The following LRP1B variants were observed in gnomAD, a reference collection of about 807,000 sequenced individuals.
LRP1B encodes low-density lipoprotein receptor-related protein 1B.
A neutral mutation model predicts 556.6 loss-of-function variants in LRP1B; 217 were observed. That is an observed-to-expected ratio of 0.39 (90% CI 0.35 to 0.44). The LOEUF is 0.44. LRP1B is among the 20% of genes least tolerant of loss of function. LRP1B has a pLI of 1.00. For missense variants in LRP1B, 5,053 were observed against 5,620.8 expected, an observed-to-expected ratio of 0.90 and a Z score of 3.23; for synonymous variants, 2,047 against 1,865.8, an observed-to-expected ratio of 1.10 and a Z score of -2.50.
At chr2:141,472,656 A>T (rs1682521003) in intron 3 of LRP1B, among the ~76,000 whole-genome samples, 1 of 152,238 alleles carries the variant, frequency 6.6e-6, no homozygotes. Context: ...GTGATAAAAA[A>T]TTATAGAAGT....
intron 3 of LRP1B, among the ~76,000 whole-genome samples, chr2:141,345,804 C>A (rs1228857505): frequency 6.6e-6 from 1 of 151,958 alleles, no homozygotes; most frequent in East Asian, 1.9e-4. Flanking sequence ...TGCACATGGC[C>A]CTGAATTTTC....
At chr2:141,789,909 T>G (rs1695556270) in intron 2 of LRP1B, among the ~76,000 whole-genome samples, 1 of 152,036 alleles carries the variant, frequency 6.6e-6, no homozygotes, top group South Asian at 2.1e-4. Flanking sequence ...TTTTCCCTTT[T>G]ATTGATGACT....
At chr2:141,926,388 T>TG in intron 1 of LRP1B, among the ~76,000 whole-genome samples, 1 of 152,306 alleles carries the variant, frequency 6.6e-6, no homozygotes, top group Middle Eastern at 3.4e-3. Context: ...TCTGACTTTT[T>TG]TCCCCTCTAT....
intron 3 of LRP1B, among the ~76,000 whole-genome samples, chr2:141,298,438 G>T (rs988270502): frequency 6.6e-6 from 1 of 152,140 alleles, no homozygotes; most frequent in Non-Finnish European, 1.5e-5. Context: ...AATTTGTCAT[G>T]ACTCTGTAAC....
rs76310658 is a variant in LRP1B at position 141,013,547 on chromosome 2, T to A, written c.2380+9A>T. The A allele has an allele frequency of 6.3e-7, 1 of 1,596,264 alleles. No individual in the cohort carries two copies. The highest frequency in any genetic ancestry group is 1.7e-4 in the Middle Eastern group (1 of 5,942). Reference sequence around the variant, plus strand: ...AATCTCAGAAGCATTTTAATTTGTTTTTTAATACCTTGTTGCTTTCGTGGA... The same window carrying A: ...AATCTCAGAAGCATTTTAATTTGTTATTTAATACCTTGTTGCTTTCGTGGA... On this transcript the variant is annotated intron_variant, in intron 14 of 90. Transcript: ENST00000389484.
At chr2:141,515,178 T>G (rs1684267641) in intron 2 of LRP1B, among the ~76,000 whole-genome samples, 1 of 152,020 alleles carries the variant, frequency 6.6e-6, no homozygotes, top group Non-Finnish European at 1.5e-5. Context: ...GGTGCATGCC[T>G]GTAATCCCAG....
chr2:140,285,774 T>C (rs769580907), intron 84 of LRP1B, among the ~76,000 whole-genome samples: 1 of 151,830 alleles, frequency 6.6e-6, no homozygotes, highest in Non-Finnish European at 1.5e-5. Flanking sequence ...CAGATACTTT[T>C]ATTTAGAAAG....
intron 3 of LRP1B, among the ~76,000 whole-genome samples, chr2:141,331,040 G>C (rs1165635933): frequency 6.6e-6 from 1 of 152,192 alleles, no homozygotes; most frequent in African/African-American, 2.4e-5. Context: ...TTACAGGCGT[G>C]ACAAACCCTA....
intron 23 of LRP1B, among the ~76,000 whole-genome samples, chr2:140,889,476 A>C (rs1282885424): frequency 6.6e-6 from 1 of 152,122 alleles, no homozygotes; most frequent in African/African-American, 2.4e-5. Context: ...TTGTATTTTT[A>C]GTAGAGACAG....
intron 2 of LRP1B, among the ~76,000 whole-genome samples, chr2:141,700,128 A>C (rs1466053513): frequency 6.6e-6 from 1 of 150,966 alleles, no homozygotes; most frequent in Non-Finnish European, 1.5e-5. Flanking sequence ...TGGTAAGTAC[A>C]CAGCTTCTTA....
intron 1 of LRP1B, among the ~76,000 whole-genome samples, chr2:142,067,412 T>C (rs1462571240): frequency 7.3e-5 from 11 of 151,500 alleles, no homozygotes; most frequent in Admixed American, 6.6e-4. Flanking sequence ...GAAACTAAAT[T>C]ATCCAAATCC....
At chr2:140,484,383 T>A (rs554580591) in intron 59 of LRP1B, among the ~76,000 whole-genome samples, 1 of 152,254 alleles carries the variant, frequency 6.6e-6, no homozygotes, top group East Asian at 1.9e-4. Context: ...AAAATCTAAT[T>A]GTTGCATATG....
intron 1 of LRP1B, among the ~76,000 whole-genome samples, chr2:141,886,187 T>C (rs1699103790): frequency 6.6e-6 from 1 of 152,178 alleles, no homozygotes; most frequent in South Asian, 2.1e-4. Context: ...TGTTCCTACA[T>C]TCATGCCTGT....
intron 3 of LRP1B, among the ~76,000 whole-genome samples, chr2:141,321,839 A>T (rs1687255186): frequency 6.6e-6 from 1 of 152,128 alleles, no homozygotes; most frequent in African/African-American, 2.4e-5. Context: ...TCATCTACCC[A>T]CAATGTTGGT....
rs1690431314 is a variant in LRP1B at position 140,526,293 on chromosome 2, G to A, written c.7820C>T (p.Ser2607Leu). 1 of 1,611,932 alleles carries A rather than the reference G, an allele frequency of 6.2e-7. No homozygotes were observed. Among genetic ancestry groups the A allele is most frequent in the South Asian group, 1.1e-5 (1 of 91,036 alleles). The change falls in exon 48 of 91, where the codon TCA (serine) becomes TTA (leucine). Residue 2607 changes from serine to leucine, a missense_variant. Ser to Leu is a moderately radical substitution (Grantham distance 145, BLOSUM62 -2). Around this residue, in one of 5 missense-constraint regions of LRP1B, gnomAD observed 3,619 missense variants for 3,931.9 expected, o/e 0.92. Coordinates refer to ENST00000389484, the MANE Select transcript of LRP1B (RefSeq NM_018557.3). The stretch of plus-strand genomic sequence containing the variant: ...ATCTATGTTCTGGTTGCATCGTGCT[G>A]ATCTTGGAATACAAGTCCCATCTGC... ...RCADGTCIPR[S>L]ARCNQNIDCA...
chr2:141,482,133 A>T (rs1682942130), intron 2 of LRP1B, among the ~76,000 whole-genome samples: 1 of 152,156 alleles, frequency 6.6e-6, no homozygotes, highest in African/African-American at 2.4e-5. Flanking sequence ...AAATTAGAAA[A>T]CAAATAAAAG....
At chr2:140,644,702 C>T (rs548731082) in intron 41 of LRP1B, among the ~76,000 whole-genome samples, 1 of 152,146 alleles carries the variant, frequency 6.6e-6, no homozygotes, top group Non-Finnish European at 1.5e-5. Flanking sequence ...TATGAGCCAC[C>T]ATGCCCAGCC....
chr2:141,864,345 T>A (rs916724643), intron 1 of LRP1B, among the ~76,000 whole-genome samples: 6 of 152,208 alleles, frequency 3.9e-5, no homozygotes, highest in African/African-American at 1.4e-4. Flanking sequence ...ATCTTGTTTA[T>A]TATAAAATAC....
intron 1 of LRP1B, among the ~76,000 whole-genome samples, chr2:141,812,085 G>A (rs1696377307): frequency 6.6e-6 from 1 of 152,086 alleles, no homozygotes; most frequent in Non-Finnish European, 1.5e-5. Flanking sequence ...TGGCATTCAG[G>A]TTATAAGACC....
Sources: gnomAD v4.1 joint callset for allele counts (sites outside exome capture counted in the v4.1 genomes callset) on GRCh38, gnomAD v4.1.1 for gene constraint, gnomAD v4.1.1 regional missense constraint, MANE v1.5 for transcripts, NCBI Gene and HGNC (gene_info 2026-07-23, HGNC 2026-07-21) for gene names.